Variants in RP1L1 observed in about 807,000 individuals in gnomAD.
The protein encoded by RP1L1 is retinitis pigmentosa 1-like 1 protein.
Under a neutral mutation model 15.7 loss-of-function variants are expected in RP1L1, and 27 were observed. The observed-to-expected ratio is 1.72, with a 90% CI of 1.27 to 2.38. The LOEUF (loss-of-function observed/expected upper bound fraction) is 2.38, where lower values mean the gene tolerates loss of function less well. RP1L1 is among the 30% of genes most tolerant of loss of function. RP1L1 has a pLI of 0.00. For missense variants in RP1L1, 4,798 were observed against 3,075.9 expected, an observed-to-expected ratio of 1.56 and a Z score of -13.24; for synonymous variants, 1,813 against 1,276.7, an observed-to-expected ratio of 1.42 and a Z score of -8.96.
chr8:10,610,451 G>T lies in RP1L1; in HGVS notation c.3647C>A (p.Pro1216His). 2 of 1,613,810 alleles carry T rather than the reference G, an allele frequency of 1.2e-6. No individual in the cohort carries two copies. The highest frequency in any genetic ancestry group is 1.7e-6 in the Non-Finnish European group (2 of 1,180,018). ...CACCAGGGTGCCGTCCATGGCACAG[G>T]GTACGCTACTCTCCCCTGAGCCTCC... ...GSGGSGESSV[P>H]CAMDGTLVTQ... Residue 1216 changes from proline (P) to histidine (H), a missense_variant, in exon 4 of 4, where the codon CCC (proline) becomes CAC (histidine). Transcript: ENST00000382483.
chr8:10,652,561 G>T (rs1224486949), intron 1 of RP1L1, among the ~76,000 whole-genome samples: 3 of 152,112 alleles, frequency 2.0e-5, no homozygotes, highest in Non-Finnish European at 2.9e-5. Flanking sequence ...CTCGCCCAAG[G>T]TTCACGTAGC....
In RP1L1 at chr8:10,640,478, G is replaced by A. The variant is rs186221493; in HGVS notation, c.-20+14420C>T. Reference sequence around the variant, plus strand: ...AGTTTAAGACAAGCCTGGCCAACACGGTGGTCTCTACTAAAAATACAAAAA... The same window carrying A: ...AGTTTAAGACAAGCCTGGCCAACACAGTGGTCTCTACTAAAAATACAAAAA... On this transcript the variant is annotated intron_variant, in intron 1 of 3. Transcript: ENST00000382483. Among the ~76,000 whole-genome samples, 828 of 152,004 alleles carry A rather than the reference G, an allele frequency of 5.4e-3. 7 individuals are homozygous for A. Among genetic ancestry groups the A allele is most frequent in the Admixed American group, 9.2e-3 (140 of 15,254 alleles).
At chr8:10,614,005 G>C (rs954035659) in intron 3 of RP1L1, among the ~76,000 whole-genome samples, 3 of 152,166 alleles carry the variant, frequency 2.0e-5, no homozygotes, top group African/African-American at 7.2e-5. Flanking sequence ...GGTTCGTATT[G>C]ATGCATGGCT....
intron 1 of RP1L1, among the ~76,000 whole-genome samples, chr8:10,646,814 C>A (rs1052941205): frequency 6.6e-6 from 1 of 152,244 alleles, no homozygotes; most frequent in Non-Finnish European, 1.5e-5. Flanking sequence ...ATACTGCTTT[C>A]CGCGGAGAGG....
chr8:10,612,331 C>T lies in RP1L1; in HGVS notation c.1767G>A (p.Leu589=). ...LSLSSLRSDD[L]QAETQGQGTE... is the part of the protein sequence containing the mutation. Reference sequence around the variant, plus strand: ...TGCCCTGTCCTTGCGTCTCTGCCTGCAGGTCGTCACTCCTTAAAGATGAAA... The same window carrying T: ...TGCCCTGTCCTTGCGTCTCTGCCTGTAGGTCGTCACTCCTTAAAGATGAAA... Residue 589 remains leucine, a synonymous_variant, in exon 4 of 4, where the codon CTG becomes CTA. Transcript: ENST00000382483. The T allele has an allele frequency of 6.2e-7, 1 of 1,613,232 alleles. No homozygotes were observed.
intron 1 of RP1L1, among the ~76,000 whole-genome samples, chr8:10,631,087 G>C (rs554161601): frequency 1.3e-5 from 2 of 152,114 alleles, no homozygotes; most frequent in African/African-American, 2.4e-5. Flanking sequence ...TGGGAGCCAT[G>C]GTCGACTTCG....
At position 10,612,595 on chromosome 8, in the gene RP1L1, C is replaced by T. The variant is rs1797885914; in HGVS notation, c.1503G>A (p.Glu501=). 1.9e-6 allele frequency: 3 copies of T among 1,603,626 alleles called. No individual in the cohort carries two copies. The East Asian group carries it at 6.7e-5, about 36-fold the overall frequency. Residue 501 remains glutamate (E), a synonymous_variant, in exon 4 of 4, where the codon GAG becomes GAA. Transcript: ENST00000382483. ...CTCCATCTATGCATAGGCCGGGGTC[C>T]TCACCCAGGCTCCCTCCAGCTTTCC... ...AERKAGGSLG[E]DPGLCIDGAG...
chr8:10,642,459 G>A (rs7815417), intron 1 of RP1L1, among the ~76,000 whole-genome samples: 1,530 of 152,288 alleles, frequency 0.01, 24 homozygotes, highest in African/African-American at 0.034. Flanking sequence ...CCTGGAACGC[G>A]TATGCGATGG....
At chr8:10,649,764 G>T (rs1798531610) in intron 1 of RP1L1, among the ~76,000 whole-genome samples, 1 of 152,138 alleles carries the variant, frequency 6.6e-6, no homozygotes, top group Non-Finnish European at 1.5e-5. Flanking sequence ...CCCCTTTCTG[G>T]CTGTGCTTCC....
chr8:10,619,228 G>C (rs150663237), intron 2 of RP1L1, among the ~76,000 whole-genome samples: 385 of 152,320 alleles, frequency 2.5e-3, no homozygotes, highest in Admixed American at 4.4e-3. Flanking sequence ...TGCAGCTTGG[G>C]ATCTAAATGC....
rs1360479786 is a variant in RP1L1, at chr8:10,606,760, T to A, written c.*135A>T. On this transcript the variant is annotated 3_prime_UTR_variant, in exon 4 of 4. Coordinates refer to ENST00000382483, the MANE Select transcript of RP1L1 (RefSeq NM_178857.6). ...CCAGGACAGCATGGCATGGGCTGTGTCCTTGGCAAGTCCTTGGTCTTTGTC... is the reference window on the plus strand; with the variant it reads ...CCAGGACAGCATGGCATGGGCTGTGACCTTGGCAAGTCCTTGGTCTTTGTC... The A allele has an allele frequency of 3.4e-6, 5 of 1,457,232 alleles. No homozygotes were observed. The highest frequency in any genetic ancestry group is 1.3e-5 in the South Asian group (1 of 76,870). 90.3% of individuals were successfully genotyped at this position (1,457,232 alleles called of 1,614,324 possible). A position where few individuals can be genotyped will look rare whatever the true frequency, so the allele number is the denominator to read the frequency against.
chr8:10,650,966 C>A (rs1015186320), intron 1 of RP1L1, among the ~76,000 whole-genome samples: 3 of 152,174 alleles, frequency 2.0e-5, no homozygotes, highest in Non-Finnish European at 4.4e-5. Context: ...GATAAGTGAG[C>A]AAGTGAAAGC....
At position 10,609,166 on chromosome 8, in the gene RP1L1, C is replaced by A; in HGVS notation, c.4932G>T (p.Gly1644=). 6.2e-7 allele frequency: 1 copy of A among 1,612,594 alleles called. No homozygotes were observed. The highest frequency in any genetic ancestry group is 8.5e-7 in the Non-Finnish European group (1 of 1,179,532). Residue 1644 remains glycine (G), a synonymous_variant, in exon 4 of 4, where the codon GGG becomes GGT. Transcript: ENST00000382483. ...EDEPALSTAL[G]SQLGEEAEGE... ...CCTCCGCCTCCTCGCCCAGCTGGCT[C>A]CCCAGGGCTGTGCTGAGGGCTGGCT...
intron 1 of RP1L1, among the ~76,000 whole-genome samples, chr8:10,647,962 T>G (rs1035144449): frequency 2.0e-5 from 3 of 152,190 alleles, no homozygotes; most frequent in African/African-American, 7.2e-5. Flanking sequence ...CCCACCATGG[T>G]GCACAAGGAA....
chr8:10,632,863 G>T (rs943404429), intron 1 of RP1L1, among the ~76,000 whole-genome samples: 11 of 152,182 alleles, frequency 7.2e-5, no homozygotes, highest in Middle Eastern at 3.2e-3. Flanking sequence ...TCAGAGCCAA[G>T]AATGAGCTAT....
rs374232439 is a variant in RP1L1, at chr8:10,612,509, C to A, written c.1589G>T (p.Gly530Val). The change falls in exon 4 of 4, where the codon GGG becomes GTG. Residue 530 changes from glycine (G) to valine (V), a missense_variant. Coordinates refer to ENST00000382483, the MANE Select transcript of RP1L1 (RefSeq NM_178857.6). ...GCTGGCTGACGAGTCCGAAGAAGCCCCCTCCTCACTCCGGGCCCTCGGTGT... is the reference window on the plus strand; with the variant it reads ...GCTGGCTGACGAGTCCGAAGAAGCCACCTCCTCACTCCGGGCCCTCGGTGT... ...RLTPRARSEE[G>V]ASSDSSASTG... is the part of the protein sequence containing the mutation. 2.5e-6 allele frequency: 4 copies of A among 1,611,988 alleles called. No homozygotes were observed. In the African/African-American group the frequency reaches 5.3e-5, roughly 22 times the overall value.
At position 10,648,585 on chromosome 8, in the gene RP1L1, G is replaced by A. The variant is rs529640189; in HGVS notation, c.-20+6313C>T. Reference sequence around the variant, plus strand: ...AATAAACATCACGAGGAACAATGGGGCAGGTCTGGGAATGTGCTATCCAAG... The same window carrying A: ...AATAAACATCACGAGGAACAATGGGACAGGTCTGGGAATGTGCTATCCAAG... On this transcript the variant is annotated intron_variant, in intron 1 of 3. Transcript: ENST00000382483. 7.2e-5 allele frequency among the ~76,000 whole-genome samples: 11 copies of A among 152,230 alleles called. No homozygotes were observed. In the South Asian group the frequency reaches 2.1e-3, roughly 29 times the overall value.
At position 10,642,181 on chromosome 8, in the gene RP1L1, T is replaced by C. The variant is rs545965005; in HGVS notation, c.-20+12717A>G. ...TTATCTCAAAATGAAAGGTTTAGTTTTTTTCAAAGAGGTTTTTAAAAAGTC... is the reference window on the plus strand; with the variant it reads ...TTATCTCAAAATGAAAGGTTTAGTTCTTTTCAAAGAGGTTTTTAAAAAGTC... On this transcript the variant is annotated intron_variant, in intron 1 of 3. Coordinates refer to ENST00000382483, the MANE Select transcript of RP1L1 (RefSeq NM_178857.6). Among the ~76,000 whole-genome samples, 11 of 152,328 alleles carry C rather than the reference T, an allele frequency of 7.2e-5. No homozygotes were observed. In the South Asian group the frequency reaches 2.1e-3, roughly 29 times the overall value.
intron 1 of RP1L1, among the ~76,000 whole-genome samples, chr8:10,638,742 G>T (rs1336245024): frequency 1.3e-5 from 2 of 152,178 alleles, no homozygotes; most frequent in East Asian, 3.8e-4. Flanking sequence ...AAACAAGGGG[G>T]CTCTCCAGAC....
Sources: allele counts gnomAD v4.1 joint callset (sites outside exome capture counted in the v4.1 genomes callset), GRCh38; gene constraint gnomAD v4.1.1; transcripts MANE v1.5; gene names NCBI Gene and HGNC (gene_info 2026-07-23, HGNC 2026-07-21).